Variants in PRKCH observed in about 807,000 individuals in gnomAD.
PRKCH encodes the protein protein kinase C eta type.
In PRKCH, 28 loss-of-function variants were observed where a neutral mutation model predicts 82.5. That is an observed-to-expected ratio of 0.34 (90% CI 0.25 to 0.47). The LOEUF is 0.47. PRKCH is among the 20% of genes least tolerant of loss of function. The pLI is 1.00. For missense variants in PRKCH, 705 were observed against 881.8 expected, an observed-to-expected ratio of 0.80 and a Z score of 2.54; for synonymous variants, 322 against 327.4, an observed-to-expected ratio of 0.98 and a Z score of 0.18.
At chr14:61,520,074 C>CAA (rs71992585) in intron 10 of PRKCH, among the ~76,000 whole-genome samples, 17,658 of 97,220 alleles carry the variant, frequency 0.18, 1,326 homozygotes, top group African/African-American at 0.26. Context: ...CTACAGAAAC[C>CAA]AAAAAAAAAA....
At chr14:61,445,659 C>T (rs1884185976) in intron 3 of PRKCH, 33 bp from the exon 4 acceptor site, 2 of 1,588,942 alleles carry the variant, frequency 1.3e-6, no homozygotes, top group Non-Finnish European at 1.7e-6. Flanking sequence ...TGCTGAAATA[C>T]TTGACTGATG....
At chr14:61,341,080 G>A (rs750014003) in intron 1 of PRKCH, among the ~76,000 whole-genome samples, 6 of 152,168 alleles carry the variant, frequency 3.9e-5, no homozygotes, top group South Asian at 2.1e-4. Context: ...GCCTGGATGA[G>A]CTGTCTAAAA....
intron 1 of PRKCH, among the ~76,000 whole-genome samples, chr14:61,251,927 C>A (rs1329001990): frequency 6.6e-6 from 1 of 152,060 alleles, no homozygotes; most frequent in Non-Finnish European, 1.5e-5. Context: ...GTAACCTCCA[C>A]CTACTGACTT....
intron 1 of PRKCH, among the ~76,000 whole-genome samples, chr14:61,196,130 T>G (rs1370779953): frequency 5.9e-5 from 9 of 151,962 alleles, no homozygotes; most frequent in Admixed American, 5.9e-4. Context: ...AATAGCCTAT[T>G]AAAAAAAGAT....
intron 1 of PRKCH, among the ~76,000 whole-genome samples, chr14:61,326,163 AT>A (rs1292064468): frequency 6.6e-6 from 1 of 152,232 alleles, no homozygotes; most frequent in East Asian, 1.9e-4. Context: ...TAGCATCTTT[AT>A]TTGTAATAAC....
intron 1 of PRKCH, chr14:61,353,439 A>G (rs1444112845): frequency 1.3e-5 from 2 of 152,216 alleles, no homozygotes; most frequent in Non-Finnish European, 1.5e-5. Flanking sequence ...TCAATTTTTC[A>G]AACTTTTGTA....
chr14:61,416,873 A>T (rs1195977808), intron 2 of PRKCH, among the ~76,000 whole-genome samples: 1 of 152,170 alleles, frequency 6.6e-6, no homozygotes, highest in African/African-American at 2.4e-5. Flanking sequence ...AGTCCAGAGT[A>T]GTGGAAGGGC....
At chr14:61,257,723 C>T (rs757348257) in intron 1 of PRKCH, among the ~76,000 whole-genome samples, 1 of 151,744 alleles carries the variant, frequency 6.6e-6, no homozygotes, top group Admixed American at 6.6e-5. Flanking sequence ...TATTGTAAAC[C>T]TAGCTTCCTC....
intron 1 of PRKCH, among the ~76,000 whole-genome samples, chr14:61,384,129 C>T (rs899185133): frequency 2.0e-5 from 3 of 151,902 alleles, no homozygotes; most frequent in Non-Finnish European, 4.4e-5. Flanking sequence ...ATGGAGGGAA[C>T]GAAGGGAAAA....
intron 9 of PRKCH, among the ~76,000 whole-genome samples, chr14:61,467,249 C>T (rs1885301498): frequency 6.6e-6 from 1 of 152,136 alleles, no homozygotes; most frequent in Admixed American, 6.5e-5. Flanking sequence ...TAAGAAGTTC[C>T]CCTGCCTTTT....
rs148312940 is a variant in PRKCH, at chr14:61,226,435, G to C, written c.-19+38767G>C. On this transcript the variant is annotated intron_variant, in intron 1 of 3. Coordinates refer to the PRKCH transcript ENST00000555185. ...CCCCAGAGAAAGTCAAGAGAGGAAAGTATGTGTGGGATGTTGTGGGTCGAT... is the reference window on the plus strand; with the variant it reads ...CCCCAGAGAAAGTCAAGAGAGGAAACTATGTGTGGGATGTTGTGGGTCGAT... Among the ~76,000 whole-genome samples, 6 of 152,338 alleles carry C rather than the reference G, an allele frequency of 3.9e-5. No individual in the cohort carries two copies. In the East Asian group the frequency reaches 1.2e-3, roughly 29 times the overall value.
chr14:61,245,302 G>A (rs931340533), intron 1 of PRKCH, among the ~76,000 whole-genome samples: 3 of 152,138 alleles, frequency 2.0e-5, no homozygotes, highest in African/African-American at 7.2e-5. Flanking sequence ...AAGATAGGTC[G>A]GAAAGAGGTC....
intron 10 of PRKCH, among the ~76,000 whole-genome samples, chr14:61,505,960 G>A (rs1489818982): frequency 6.6e-6 from 1 of 152,096 alleles, no homozygotes; most frequent in East Asian, 1.9e-4. Context: ...AAGGTGAGGA[G>A]CCCCGGGCCA....
intron 1 of PRKCH, among the ~76,000 whole-genome samples, chr14:61,345,887 TA>T (rs1487638981): frequency 2.0e-5 from 3 of 149,102 alleles, no homozygotes; most frequent in Non-Finnish European, 4.4e-5. Flanking sequence ...TTTTTTTTTT[TA>T]AAGTTGTGGA....
chr14:61,302,742 T>C (rs532437819), intron 1 of PRKCH, among the ~76,000 whole-genome samples: 137 of 152,222 alleles, frequency 9.0e-4, no homozygotes, highest in Non-Finnish European at 1.5e-3. Flanking sequence ...AGAGAGCATA[T>C]TCTGTATTTT....
chr14:61,203,613 C>CA (rs1472307732), intron 1 of PRKCH, among the ~76,000 whole-genome samples: 2 of 152,070 alleles, frequency 1.3e-5, no homozygotes. Context: ...GGAGACAGCT[C>CA]AGAGTGAGGT....
At chr14:61,348,977 AGT>A (rs2046034981) in intron 1 of PRKCH, among the ~76,000 whole-genome samples, 1 of 152,264 alleles carries the variant, frequency 6.6e-6, no homozygotes, top group South Asian at 2.1e-4. Context: ...ATGACACAGA[AGT>A]GTTCCCTGCT....
chr14:61,249,472 T>C (rs1471165702), intron 1 of PRKCH, among the ~76,000 whole-genome samples: 3 of 147,388 alleles, frequency 2.0e-5, no homozygotes, highest in African/African-American at 7.5e-5. Context: ...AAGATTAGTA[T>C]GCATGGTCCT....
intron 10 of PRKCH, 191 bp from the exon 11 acceptor site, chr14:61,528,884 T>A: frequency 2.2e-6 from 1 of 457,186 alleles, no homozygotes; most frequent in East Asian, 4.0e-5. Context: ...GTTCTGAGAC[T>A]TGATCTAAAT....
Sources: allele counts gnomAD v4.1 joint callset (sites outside exome capture counted in the v4.1 genomes callset), GRCh38; gene constraint gnomAD v4.1.1; transcripts MANE v1.5; gene names NCBI Gene and HGNC (gene_info 2026-07-23, HGNC 2026-07-21).